Variants in BMERB1 observed in about 807,000 individuals in gnomAD.
BMERB1 encodes the protein bMERB domain-containing protein 1.
BMERB1 carries 12 observed loss-of-function variants against 23.6 expected under a neutral mutation model. That is an observed-to-expected ratio of 0.51 (90% CI 0.33 to 0.82). BMERB1 has a LOEUF of 0.82. Ranked by LOEUF, BMERB1 falls within the 40% of genes least tolerant of loss-of-function variation. The probability of loss-of-function intolerance (pLI) is 0.03; values close to 1 mark genes in which losing one functional copy is unlikely to be tolerated. For synonymous variants in BMERB1, 122 were observed against 96.6 expected (o/e 1.26, Z -1.54); for missense variants, 247 against 255.4 (o/e 0.97, Z 0.22).
At chr16:15,490,212 T>G (rs1268382727) in intron 1 of BMERB1, among the ~76,000 whole-genome samples, 1 of 151,976 alleles carries the variant, frequency 6.6e-6, no homozygotes, top group Non-Finnish European at 1.5e-5. Flanking sequence ...AACCAGGACT[T>G]CAGCTTCTGG....
chr16:15,461,976 C>CA (rs1235017095), intron 1 of BMERB1, among the ~76,000 whole-genome samples: 1 of 151,808 alleles, frequency 6.6e-6, no homozygotes, highest in Admixed American at 6.6e-5. Context: ...CAACAACAAA[C>CA]AAAAAACTCC....
chr16:15,524,925 C>T (rs1284351299), intron 2 of BMERB1, among the ~76,000 whole-genome samples: 1 of 152,274 alleles, frequency 6.6e-6, no homozygotes, highest in East Asian at 1.9e-4. Flanking sequence ...AGAGGACCAC[C>T]TCTGAACCAC....
chr16:15,535,395 C>A (rs561129503), intron 2 of BMERB1, among the ~76,000 whole-genome samples: 1 of 152,092 alleles, frequency 6.6e-6, no homozygotes, highest in East Asian at 1.9e-4. Context: ...CGCCTGTAAT[C>A]CCAGCACTTT....
intron 1 of BMERB1, among the ~76,000 whole-genome samples, chr16:15,462,647 G>A (rs999259881): frequency 1.3e-5 from 2 of 152,132 alleles, no homozygotes; most frequent in Non-Finnish European, 2.9e-5. Context: ...GCCTGAATGC[G>A]AACAGAAATT....
chr16:15,491,069 C>G (rs997091571), intron 1 of BMERB1, among the ~76,000 whole-genome samples: 1 of 152,114 alleles, frequency 6.6e-6, no homozygotes, highest in Admixed American at 6.5e-5. Context: ...AGGCTGGTCT[C>G]GAACTCCTGA....
intron 1 of BMERB1, among the ~76,000 whole-genome samples, chr16:15,481,492 A>G (rs545744342): frequency 7.9e-5 from 12 of 152,144 alleles, no homozygotes; most frequent in Admixed American, 7.8e-4. Flanking sequence ...GTGCCACTGC[A>G]TGCCAACCTG....
At chr16:15,582,091 C>T (rs899713163) in intron 4 of BMERB1, among the ~76,000 whole-genome samples, 3 of 152,186 alleles carry the variant, frequency 2.0e-5, no homozygotes, top group African/African-American at 7.2e-5. Context: ...CAACTTTTCC[C>T]TCCTATCCAA....
chr16:15,558,477 G>A (rs892644162), intron 2 of BMERB1, among the ~76,000 whole-genome samples: 9 of 152,008 alleles, frequency 5.9e-5, no homozygotes, highest in African/African-American at 1.7e-4. Context: ...GCATGATCTC[G>A]GGGAGTTTTG....
intron 2 of BMERB1, among the ~76,000 whole-genome samples, chr16:15,547,330 T>G (rs1044067903): frequency 1.1e-4 from 16 of 149,734 alleles, no homozygotes; most frequent in African/African-American, 4.0e-4. Context: ...TTCAGCTTTG[T>G]TTTTTTCTTC....
chr16:15,473,899 C>A lies in BMERB1; in HGVS notation c.106+39140C>A, dbSNP rs529211273. Among the ~76,000 whole-genome samples the A allele has an allele frequency of 2.0e-5, 3 of 152,046 alleles. No homozygotes were observed. In the South Asian group the frequency reaches 6.2e-4, roughly 32 times the overall value. On this transcript the variant is annotated intron_variant, in intron 1 of 5. Coordinates refer to ENST00000300006, the MANE Select transcript of BMERB1 (RefSeq NM_033201.3). ...CTTTGGGAGGCCGAGGCAGGCGGAT[C>A]ATGAGGTCAGGAGATCGAGACCATC... is the stretch of plus-strand genomic sequence containing the variant.
chr16:15,565,426 A>G (rs930515768), intron 2 of BMERB1, among the ~76,000 whole-genome samples: 1 of 152,180 alleles, frequency 6.6e-6, no homozygotes, highest in Admixed American at 6.6e-5. Context: ...TCTTTGTAAC[A>G]TCTGAAATAT....
At chr16:15,475,526 G>C (rs946695883) in intron 1 of BMERB1, among the ~76,000 whole-genome samples, 4 of 152,216 alleles carry the variant, frequency 2.6e-5, no homozygotes, top group Non-Finnish European at 1.5e-5. Context: ...ATACAGGTAA[G>C]TTCTGAACAC....
At chr16:15,579,731 G>T (rs991744720) in intron 3 of BMERB1, among the ~76,000 whole-genome samples, 1 of 151,910 alleles carries the variant, frequency 6.6e-6, no homozygotes, top group South Asian at 2.1e-4. Context: ...CATTGGCATG[G>T]ATGATTTTCT....
intron 5 of BMERB1, chr16:15,584,047 A>G (rs1485243206): frequency 1.9e-5 from 13 of 702,214 alleles, no homozygotes; most frequent in Non-Finnish European, 3.1e-5. Context: ...ATGTCTCAGA[A>G]TATTAACCTC....
intron 2 of BMERB1, among the ~76,000 whole-genome samples, chr16:15,526,185 T>C (rs1206347137): frequency 2.6e-5 from 4 of 152,192 alleles, no homozygotes; most frequent in Admixed American, 1.3e-4. Context: ...TCACCAGCAC[T>C]GCCCTAGAGA....
At chr16:15,514,659 T>G (rs1374738568) in intron 1 of BMERB1, among the ~76,000 whole-genome samples, 1 of 152,024 alleles carries the variant, frequency 6.6e-6, no homozygotes, top group Non-Finnish European at 1.5e-5. Flanking sequence ...GCACTTGTAA[T>G]CCCAGCTACT....
Position 15,586,961 on chromosome 16 carries a change from G to C in BMERB1, c.*132G>C. On this transcript the variant is annotated 3_prime_UTR_variant, in exon 6 of 6. Coordinates refer to ENST00000300006, the MANE Select transcript of BMERB1 (RefSeq NM_033201.3). ...AGGCAAGCCCGTGACTGTCACCAGA[G>C]GCCATGGGCACGGCAGGCGGGCCTG... The C allele has an allele frequency of 1.5e-6, 1 of 656,824 alleles. No individual in the cohort carries two copies. The highest frequency in any genetic ancestry group is 1.9e-5 in the South Asian group (1 of 51,988). 40.7% of individuals were successfully genotyped at this position (656,824 alleles called of 1,614,324 possible).
At chr16:15,579,590 A>G (rs994800774) in intron 3 of BMERB1, among the ~76,000 whole-genome samples, 1 of 152,196 alleles carries the variant, frequency 6.6e-6, no homozygotes, top group African/African-American at 2.4e-5. Context: ...AAGGGATTTG[A>G]GCAGAAAGAG....
At chr16:15,454,524 G>A (rs2051067439) in intron 1 of BMERB1, among the ~76,000 whole-genome samples, 1 of 152,214 alleles carries the variant, frequency 6.6e-6, no homozygotes, top group South Asian at 2.1e-4. Context: ...TGGTCATGGT[G>A]GCTCACGCCT....
Sources: gnomAD v4.1 joint callset for allele counts (sites outside exome capture counted in the v4.1 genomes callset) on GRCh38, gnomAD v4.1.1 for gene constraint, MANE v1.5 for transcripts, NCBI Gene and HGNC (gene_info 2026-07-23, HGNC 2026-07-21) for gene names.